ALPI: variants seen among roughly 807,000 people sequenced by gnomAD.
ALPI encodes the protein alkaline phosphatase, intestinal, also known as intestinal-type alkaline phosphatase.
Under a neutral mutation model 51.5 loss-of-function variants are expected in ALPI, and 50 were observed. That is an observed-to-expected ratio of 0.97 (90% confidence interval 0.77 to 1.23). The LOEUF (loss-of-function observed/expected upper bound fraction) is 1.23. ALPI is among the 50% of genes most tolerant of loss of function. ALPI has a pLI of 0.00. For synonymous variants in ALPI, 322 were observed against 308.2 expected, an observed-to-expected ratio of 1.04 and a Z score of -0.47; for missense variants, 692 against 722.4, an observed-to-expected ratio of 0.96 and a Z score of 0.48.
Position 232,456,950 on chromosome 2 carries a change from T to C in ALPI, c.352T>C (p.Tyr118His), listed in dbSNP as rs1690203778. The change falls in exon 4 of 11, where the codon TAC becomes CAC. Residue 118 changes from tyrosine (Y) to histidine (H), a missense_variant. By Grantham distance (83) the Tyr-to-His change is moderately conservative (BLOSUM62 2). Transcript: ENST00000295463. This position sits in a 1 kb window ranked among gnomAD's most constrained non-coding sequence, Gnocchi z 4.2. ...VPDSAATATA[Y>H]LCGVKANFQT... is the part of the protein sequence containing the mutation. ...AGACAGCGCAGCCACAGCCACGGCCTACCTGTGCGGGGTCAAGGCCAACTT... is the reference window on the plus strand; with the variant it reads ...AGACAGCGCAGCCACAGCCACGGCCCACCTGTGCGGGGTCAAGGCCAACTT... 1.9e-6 allele frequency: 3 copies of C among 1,613,604 alleles called. No homozygotes were observed. The highest frequency in any genetic ancestry group is 1.7e-5 in the Admixed American group (1 of 60,000).
chr2:232,459,170 G>C lies in ALPI; in HGVS notation c.*24G>C, dbSNP rs374587854. 2.5e-5 allele frequency: 38 copies of C among 1,521,032 alleles called. No individual in the cohort carries two copies. The East Asian group carries it at 8.8e-4, about 35-fold the overall frequency. The allele number at this position is 1,521,032 out of a possible 1,614,324, so 94.2% of individuals were successfully genotyped here. A position where few individuals can be genotyped will look rare whatever the true frequency, so the allele number is the denominator to read the frequency against. ...GAGTGCCCCACTCCGGAGTTATCCTGCTCCCCACCTCCGGGCGTCCTGCCC... is the reference window on the plus strand; with the variant it reads ...GAGTGCCCCACTCCGGAGTTATCCTCCTCCCCACCTCCGGGCGTCCTGCCC... On this transcript the variant is annotated 3_prime_UTR_variant, in exon 11 of 11. Coordinates refer to ENST00000295463, the MANE Select transcript of ALPI (RefSeq NM_001631.5).
At position 232,456,603 on chromosome 2, in the gene ALPI, G is replaced by T. The variant is rs1048012688; in HGVS notation, c.208G>T (p.Ala70Ser). The stretch of plus-strand genomic sequence containing the variant: ...AGGGTTGGGGGTGCCCACGGTGACA[G>T]CCACCAGGATCCTAAAGGGGCAGAA... ...GDGLGVPTVT[A>S]TRILKGQKNG... is the part of the protein sequence containing the mutation. The change falls in exon 3 of 11, where the codon GCC becomes TCC. Residue 70 changes from alanine to serine, a missense_variant. By Grantham distance (99) the Ala-to-Ser change is moderately conservative (BLOSUM62 1). Coordinates refer to ENST00000295463, the MANE Select transcript of ALPI (RefSeq NM_001631.5). This position sits in a 1 kb window ranked among gnomAD's most constrained non-coding sequence, Gnocchi z 4.2. 1 of 1,613,190 alleles carries T rather than the reference G, an allele frequency of 6.2e-7. No individual in the cohort carries two copies. The highest frequency in any genetic ancestry group is 8.5e-7 in the Non-Finnish European group (1 of 1,179,708).
Position 232,458,643 on chromosome 2 carries a change from A to G in ALPI, c.1195A>G (p.Ser399Gly). 1.2e-6 allele frequency: 2 copies of G among 1,613,838 alleles called. No individual in the cohort carries two copies. Among genetic ancestry groups the G allele is most frequent in the African/African-American group, 2.7e-5 (2 of 75,044 alleles). Residue 399 changes from serine (S) to glycine (G), a missense_variant, in exon 10 of 11, where the codon AGC becomes GGC. By Grantham distance (56) the Ser-to-Gly change is moderately conservative. Coordinates refer to ENST00000295463, the MANE Select transcript of ALPI (RefSeq NM_001631.5). ...GCATCTCCCTACAGGGTTGGCCCCCAGCAAGGCTCAGGACAGCAAAGCCTA... is the reference window on the plus strand; with the variant it reads ...GCATCTCCCTACAGGGTTGGCCCCCGGCAAGGCTCAGGACAGCAAAGCCTA... ...RGSSIFGLAP[S>G]KAQDSKAYTS...
In ALPI at chr2:232,456,479, G is replaced by A; in HGVS notation, c.184+14G>A. On this transcript the variant is annotated intron_variant, in intron 2 of 10. Transcript: ENST00000295463. This position sits in a 1 kb window ranked among gnomAD's most constrained non-coding sequence, Gnocchi z 4.2. ...TCCTGGGCGATGGTGAGTGAGCAAGGCCTGTCCAGCCCCGTAGTCCTCACA... is the reference window on the plus strand; with the variant it reads ...TCCTGGGCGATGGTGAGTGAGCAAGACCTGTCCAGCCCCGTAGTCCTCACA... The A allele has an allele frequency of 6.2e-7, 1 of 1,613,866 alleles. No homozygotes were observed. The highest frequency in any genetic ancestry group is 8.5e-7 in the Non-Finnish European group (1 of 1,179,976).
chr2:232,457,206 A>G lies in ALPI; in HGVS notation c.532A>G (p.Thr178Ala), dbSNP rs151173463. 6.1e-4 allele frequency: 979 copies of G among 1,613,500 alleles called. 19 individuals carry two copies. In the East Asian group the frequency reaches 0.02, roughly 33 times the overall value. The change falls in exon 5 of 11, where the codon ACC (threonine) becomes GCC (alanine). Residue 178 changes from threonine (T) to alanine (A), a missense_variant. Transcript: ENST00000295463. This position sits in a 1 kb window ranked among gnomAD's most constrained non-coding sequence, Gnocchi z 4.7. The part of the protein sequence containing the change: ...TRVQHASPAG[T>A]YAHTVNRNWY... ...GGTGCAGCACGCCTCGCCAGCCGGC[A>G]CCTACGCACACACAGTGAACCGCAA...
At position 232,457,361 on chromosome 2, in the gene ALPI, G is replaced by A. The variant is rs968128672; in HGVS notation, c.648+39G>A. ...GCCAAGGGCTGGGGCTGGGCAGAGG[G>A]GAAGGTGGCACAGGCTCAGATCCAG... On this transcript the variant is annotated intron_variant, in intron 5 of 10. Transcript: ENST00000295463. The surrounding 1 kb of genome is among the most constrained non-coding windows in gnomAD (Gnocchi z 4.7). The A allele has an allele frequency of 3.2e-6, 5 of 1,574,352 alleles. No individual in the cohort carries two copies. Among genetic ancestry groups the A allele is most frequent in the East Asian group, 2.2e-5 (1 of 44,686 alleles).
chr2:232,456,874 G>A lies in ALPI; in HGVS notation c.301-25G>A. The stretch of plus-strand genomic sequence containing the variant: ...GGGTCTGGGTGTCCGCCCCGAAGTA[G>A]AGCTCAGGGTGTCTCCGTTCGCAGA... On this transcript the variant is annotated intron_variant, in intron 3 of 10. Coordinates refer to ENST00000295463, the MANE Select transcript of ALPI (RefSeq NM_001631.5). The surrounding 1 kb of genome is among the most constrained non-coding windows in gnomAD (Gnocchi z 4.2). 1.9e-6 allele frequency: 3 copies of A among 1,612,200 alleles called. No homozygotes were observed. Among genetic ancestry groups the A allele is most frequent in the South Asian group, 1.1e-5 (1 of 91,048 alleles).
chr2:232,458,809 G>C lies in ALPI; in HGVS notation c.1301-51G>C, dbSNP rs567870283. 173 of 1,609,664 alleles carry C rather than the reference G, an allele frequency of 1.1e-4. 1 individual carries two copies. The South Asian group carries it at 1.9e-3, about 17-fold the overall frequency. ...GGGTGCCAGGGATGGGGGCATTCGCGGGAGGGGGACGCCGCCTGCCTGCCC... is the reference window on the plus strand; with the variant it reads ...GGGTGCCAGGGATGGGGGCATTCGCCGGAGGGGGACGCCGCCTGCCTGCCC... On this transcript the variant is annotated intron_variant, in intron 10 of 10. Coordinates refer to ENST00000295463, the MANE Select transcript of ALPI (RefSeq NM_001631.5).
Position 232,457,397 on chromosome 2 carries a change from G to A in ALPI, c.648+75G>A, listed in dbSNP as rs538746770. ...CAGGCTCAGATCCAGGCAACCAAAA[G>A]CCTGATCTGGGTCAGCAGGTTCTGG... On this transcript the variant is annotated intron_variant, in intron 5 of 10. Transcript: ENST00000295463. This position sits in a 1 kb window ranked among gnomAD's most constrained non-coding sequence, Gnocchi z 4.7. 7 of 1,557,462 alleles carry A rather than the reference G, an allele frequency of 4.5e-6. 1 individual carries two copies. The South Asian group carries it at 8.7e-5, about 19-fold the overall frequency.
At position 232,456,399 on chromosome 2, in the gene ALPI, G is replaced by A. The variant is rs748883641; in HGVS notation, c.118G>A (p.Asp40Asn). 5.6e-6 allele frequency: 9 copies of A among 1,614,030 alleles called. No individual in the cohort carries two copies. The Admixed American group carries it at 1.5e-4, about 27-fold the overall frequency. The change falls in exon 2 of 11, where the codon GAT (aspartate) becomes AAT (asparagine). Residue 40 changes from aspartate (D) to asparagine (N), a missense_variant. Transcript: ENST00000295463. This position sits in a 1 kb window ranked among gnomAD's most constrained non-coding sequence, Gnocchi z 4.2. ...GAACCGCCAGGCAGCTGAGGCCCTG[G>A]ATGCTGCCAAGAAGCTGCAGCCCAT... ...FWNRQAAEAL[D>N]AAKKLQPIQK...
rs974919088 is a variant in ALPI at position 232,456,187 on chromosome 2, C to A, written c.-13C>A. 1 of 1,612,738 alleles carries A rather than the reference C, an allele frequency of 6.2e-7. No homozygotes were observed. The highest frequency in any genetic ancestry group is 1.1e-5 in the South Asian group (1 of 91,032). ...GTGTCCCCACTTCGCCTCCCTCCTG[C>A]TGCCCCCAAGACATGCAGGGGCCCT... On this transcript the variant is annotated 5_prime_UTR_variant, in exon 1 of 11. In the 5' UTR this introduces an upstream ATG that the reference lacks. Transcript: ENST00000295463. This position sits in a 1 kb window ranked among gnomAD's most constrained non-coding sequence, Gnocchi z 4.2.
rs377199045 is a variant in ALPI, at chr2:232,458,953, C to T, written c.1394C>T (p.Ala465Val). Reference sequence around the variant, plus strand: ...GCGGTGTTTGCGCGCGGCCCGCAGGCGCACCTGGTGCATGGTGTGCAGGAG... The same window carrying T: ...GCGGTGTTTGCGCGCGGCCCGCAGGTGCACCTGGTGCATGGTGTGCAGGAG... ...DVAVFARGPQ[A>V]HLVHGVQEQS... is the part of the protein sequence containing the mutation. Residue 465 changes from alanine (A) to valine (V), a missense_variant, in exon 11 of 11, where the codon GCG (alanine) becomes GTG (valine). Ala to Val is a moderately conservative substitution (Grantham distance 64). Coordinates refer to ENST00000295463, the MANE Select transcript of ALPI (RefSeq NM_001631.5). The T allele has an allele frequency of 1.3e-6, 2 of 1,599,256 alleles. No individual in the cohort carries two copies. The highest frequency in any genetic ancestry group is 4.5e-5 in the East Asian group (2 of 43,982).
chr2:232,457,376 C>A lies in ALPI; in HGVS notation c.648+54C>A. The A allele has an allele frequency of 6.4e-7, 1 of 1,565,124 alleles. No individual in the cohort carries two copies. Among genetic ancestry groups the A allele is most frequent in the South Asian group, 1.2e-5 (1 of 81,552 alleles). Reference sequence around the variant, plus strand: ...TGGGCAGAGGGGAAGGTGGCACAGGCTCAGATCCAGGCAACCAAAAGCCTG... The same window carrying A: ...TGGGCAGAGGGGAAGGTGGCACAGGATCAGATCCAGGCAACCAAAAGCCTG... On this transcript the variant is annotated intron_variant, in intron 5 of 10. Transcript: ENST00000295463. The surrounding 1 kb of genome is among the most constrained non-coding windows in gnomAD (Gnocchi z 4.7).
rs1360049387 is a variant in ALPI at position 232,460,319 on chromosome 2, G to A, written c.*1173G>A. On this transcript the variant is annotated 3_prime_UTR_variant, in exon 11 of 11. Coordinates refer to ENST00000295463, the MANE Select transcript of ALPI (RefSeq NM_001631.5). Reference sequence around the variant, plus strand: ...TGGGGTGTGCATGGGGGACTGTGAAGTCTGGTTAGAGGGGTGTGGTTGGAG... The same window carrying A: ...TGGGGTGTGCATGGGGGACTGTGAAATCTGGTTAGAGGGGTGTGGTTGGAG... Among the ~76,000 whole-genome samples the A allele has an allele frequency of 1.3e-5, 2 of 151,996 alleles. No individual in the cohort carries two copies. The highest frequency in any genetic ancestry group is 6.5e-5 in the Admixed American group (1 of 15,268).
chr2:232,458,609 C>G, intron 9 of ALPI, 23 bp from the exon 10 acceptor site: 1 of 1,608,528 alleles, frequency 6.2e-7, no homozygotes, highest in Admixed American at 1.7e-5. Flanking sequence ...AGCTCAACTA[C>G]AGGGACCCGC....
In ALPI at chr2:232,460,422, T is replaced by C. The variant is rs1447580766; in HGVS notation, c.*1276T>C. ...GCTGCCAGGAGAAGGGTCTGGTCTT[T>C]TGGGCAGAGGGTGGGGGTGGTGGCA... On this transcript the variant is annotated 3_prime_UTR_variant, in exon 11 of 11. Coordinates refer to ENST00000295463, the MANE Select transcript of ALPI (RefSeq NM_001631.5). Among the ~76,000 whole-genome samples the C allele has an allele frequency of 1.3e-5, 2 of 151,446 alleles. No homozygotes were observed. The highest frequency in any genetic ancestry group is 2.9e-5 in the Non-Finnish European group (2 of 67,902).
At position 232,456,404 on chromosome 2, in the gene ALPI, TGCCAAGAAGCTGCA is replaced by T. The variant is rs752666286; in HGVS notation, c.127_140del (p.Lys43HisfsTer38). ...GCCAGGCAGCTGAGGCCCTGGATGC[TGCCAAGAAGCTGCA>T]GCCCATCCAGAAGGTCGCCAAGAAC... On this transcript the variant is annotated frameshift_variant, in exon 2 of 11. Coordinates refer to ENST00000295463, the MANE Select transcript of ALPI (RefSeq NM_001631.5). LOFTEE classifies it high-confidence loss of function. This position sits in a 1 kb window ranked among gnomAD's most constrained non-coding sequence, Gnocchi z 4.2. 2 of 1,614,066 alleles carry T rather than the reference TGCCAAGAAGCTGCA, an allele frequency of 1.2e-6. No homozygotes were observed. The highest frequency in any genetic ancestry group is 4.5e-5 in the East Asian group (2 of 44,862).
At position 232,459,459 on chromosome 2, in the gene ALPI, A is replaced by C; in HGVS notation, c.*313A>C. ...CATGCGGCTGCCTGCACCCCAGACA[A>C]TAAAGGGACCAAAACCACCCAACCC... On this transcript the variant is annotated 3_prime_UTR_variant, in exon 11 of 11. Transcript: ENST00000295463. The C allele has an allele frequency of 5.3e-6, 2 of 374,256 alleles. No homozygotes were observed. The highest frequency in any genetic ancestry group is 9.8e-6 in the Non-Finnish European group (2 of 204,162). 23.2% of individuals were successfully genotyped at this position (374,256 alleles called of 1,614,324 possible).
Position 232,459,005 on chromosome 2 carries a change from C to T in ALPI, c.1446C>T (p.Ala482=). The T allele has an allele frequency of 1.3e-6, 2 of 1,570,512 alleles. No individual in the cohort carries two copies. The highest frequency in any genetic ancestry group is 1.4e-5 in the African/African-American group (1 of 73,876). The change falls in exon 11 of 11, where the codon GCC becomes GCT. Residue 482 remains alanine (A), a synonymous_variant. Transcript: ENST00000295463. ...QEQSFVAHVM[A]FAACLEPYTA... Reference sequence around the variant, plus strand: ...AGAGCTTCGTAGCGCATGTCATGGCCTTCGCTGCCTGTCTGGAGCCCTACA... The same window carrying T: ...AGAGCTTCGTAGCGCATGTCATGGCTTTCGCTGCCTGTCTGGAGCCCTACA...
Sources: gnomAD v4.1 joint callset for allele counts (sites outside exome capture counted in the v4.1 genomes callset) on GRCh38, gnomAD v4.1.1 for gene constraint, Gnocchi (gnomAD v3.1) non-coding constraint, MANE v1.5 for transcripts, NCBI Gene and HGNC (gene_info 2026-07-23, HGNC 2026-07-21) for gene names.